PPP3CC: variants seen among roughly 807,000 people sequenced by gnomAD.
PPP3CC encodes serine/threonine-protein phosphatase 2B catalytic subunit gamma isoform.
In PPP3CC, 35 loss-of-function variants were observed where a neutral mutation model predicts 60.3. The ratio of observed to expected loss-of-function variants is 0.58; its 90% CI spans 0.44 to 0.77. The LOEUF is 0.77. Among genes scored for constraint, PPP3CC ranks in the 30% least tolerant of loss-of-function variants. The pLI, the probability that PPP3CC is intolerant of heterozygous loss-of-function variation, is 0.00. For synonymous variants in PPP3CC, 206 were observed against 224.3 expected, an observed-to-expected ratio of 0.92 and a Z score of 0.73; for missense variants, 570 against 628.9, an observed-to-expected ratio of 0.91 and a Z score of 1.00.
At chr8:22,495,001 G>C (rs1162925786) in intron 3 of PPP3CC, among the ~76,000 whole-genome samples, 1 of 152,082 alleles carries the variant, frequency 6.6e-6, no homozygotes, top group Non-Finnish European at 1.5e-5. Flanking sequence ...GAGTGCAGTG[G>C]CACGATCATG....
intron 1 of PPP3CC, among the ~76,000 whole-genome samples, chr8:22,441,857 C>G (rs1423356988): frequency 2.0e-5 from 3 of 152,168 alleles, no homozygotes; most frequent in Non-Finnish European, 4.4e-5. Flanking sequence ...CGTCCGCCCC[C>G]CACCCTTTTT....
At position 22,491,901 on chromosome 8, in the gene PPP3CC, T is replaced by C. The variant is rs779616812; in HGVS notation, c.373-6100T>C. The stretch of plus-strand genomic sequence containing the variant: ...AACGTATATTCTCTACTTGTTGAGC[T>C]ATTCTTTATAACTTTGACTATTTTT... On this transcript the variant is annotated intron_variant, in intron 3 of 13. Coordinates refer to ENST00000240139, the MANE Select transcript of PPP3CC (RefSeq NM_005605.5). 3.9e-4 allele frequency among the ~76,000 whole-genome samples: 60 copies of C among 152,356 alleles called. No homozygotes were observed. The Middle Eastern group carries it at 0.01, about 26-fold the overall frequency.
At chr8:22,495,715 G>C (rs1331363228) in intron 3 of PPP3CC, among the ~76,000 whole-genome samples, 9 of 152,066 alleles carry the variant, frequency 5.9e-5, no homozygotes, top group Non-Finnish European at 1.3e-4. Flanking sequence ...CCTGCCACCA[G>C]GCCTAGCAAA....
At chr8:22,480,124 G>GT (rs2132476222) in intron 3 of PPP3CC, among the ~76,000 whole-genome samples, 1 of 152,250 alleles carries the variant, frequency 6.6e-6, no homozygotes, top group African/African-American at 2.4e-5. Flanking sequence ...AGACAAAACA[G>GT]TAACTGTGGA....
chr8:22,503,211 T>C (rs1471008867), intron 4 of PPP3CC, among the ~76,000 whole-genome samples: 2 of 152,192 alleles, frequency 1.3e-5, no homozygotes, highest in East Asian at 1.9e-4. Flanking sequence ...CTGGAGTCTT[T>C]AGGAAGCTTC....
At chr8:22,442,301 A>G (rs891452337) in intron 1 of PPP3CC, among the ~76,000 whole-genome samples, 2 of 152,222 alleles carry the variant, frequency 1.3e-5, no homozygotes, top group Non-Finnish European at 2.9e-5. Flanking sequence ...TTTTGTAAGA[A>G]GGGAATAGAC....
In PPP3CC at chr8:22,522,580, TA is replaced by T; in HGVS notation, c.848+16del. 1 of 1,603,846 alleles carries T rather than the reference TA, an allele frequency of 6.2e-7. No homozygotes were observed. The highest frequency in any genetic ancestry group is 8.5e-7 in the Non-Finnish European group (1 of 1,172,366). On this transcript the variant is annotated intron_variant, in intron 7 of 13. Transcript: ENST00000240139. ...GCCCAAGATGCTGGGTAAGTTACAT[TA>T]AAATTGTACCAAATATCGCTGCAGA... is the stretch of plus-strand genomic sequence containing the variant.
At position 22,533,441 on chromosome 8, in the gene PPP3CC, A is replaced by G. The variant is rs1839770275; in HGVS notation, c.1321+423A>G. 2.0e-5 allele frequency among the ~76,000 whole-genome samples: 3 copies of G among 152,370 alleles called. No individual in the cohort carries two copies. The South Asian group carries it at 6.2e-4, about 32-fold the overall frequency. On this transcript the variant is annotated intron_variant, in intron 12 of 13. Transcript: ENST00000240139. Reference sequence around the variant, plus strand: ...CGTCTCACCAAGCCCTTGTATCCAGAATATATAAAGAACTATAAATCAATA... The same window carrying G: ...CGTCTCACCAAGCCCTTGTATCCAGGATATATAAAGAACTATAAATCAATA...
intron 1 of PPP3CC, among the ~76,000 whole-genome samples, chr8:22,463,350 C>A (rs1020587180): frequency 1.3e-5 from 2 of 152,198 alleles, no homozygotes; most frequent in Non-Finnish European, 2.9e-5. Context: ...TTAATTTATT[C>A]TCTGTAGTGT....
At chr8:22,454,425 C>A (rs189094813) in intron 1 of PPP3CC, among the ~76,000 whole-genome samples, 50 of 152,250 alleles carry the variant, frequency 3.3e-4, no homozygotes, top group African/African-American at 1.2e-3. Context: ...CTGTCTGGGG[C>A]TGTTTTACAG....
chr8:22,493,028 CGAT>C, intron 3 of PPP3CC: 1 of 1,333,494 alleles, frequency 7.5e-7, no homozygotes, highest in Non-Finnish European at 1.1e-6. Flanking sequence ...GAGAGGATGA[CGAT>C]GAAGTTCCAG....
Position 22,492,762 on chromosome 8 carries a change from A to G in PPP3CC, c.373-5239A>G. The G allele has an allele frequency of 2.0e-6, 2 of 1,009,942 alleles. 1 individual carries two copies. The highest frequency in any genetic ancestry group is 3.4e-5 in the Admixed American group (2 of 58,038). 62.6% of individuals were successfully genotyped at this position (1,009,942 alleles called of 1,614,324 possible). A position where few individuals can be genotyped will look rare whatever the true frequency, so the allele number is the denominator to read the frequency against. On this transcript the variant is annotated intron_variant, in intron 3 of 13. Transcript: ENST00000240139. Reference sequence around the variant, plus strand: ...GATAAAAAACTTCAGTTCTCCTTAAAGAAGTTAGAGGTAAACAATGTCTCT... The same window carrying G: ...GATAAAAAACTTCAGTTCTCCTTAAGGAAGTTAGAGGTAAACAATGTCTCT...
At chr8:22,483,987 GTGTGCTACCACACT>G (rs1838148703) in intron 3 of PPP3CC, among the ~76,000 whole-genome samples, 1 of 151,846 alleles carries the variant, frequency 6.6e-6, no homozygotes, top group African/African-American at 2.4e-5. Flanking sequence ...GACTACAGGT[GTGTGCTACCACACT>G]TGGCTAATTT....
chr8:22,494,168 G>C (rs1399177903), intron 3 of PPP3CC, among the ~76,000 whole-genome samples: 1 of 152,116 alleles, frequency 6.6e-6, no homozygotes, highest in Admixed American at 6.5e-5. Context: ...TGCTGATAAA[G>C]ACATACCCAA....
At chr8:22,505,024 ATTTTTTT>A (rs34116717) in intron 4 of PPP3CC, among the ~76,000 whole-genome samples, 3 of 115,960 alleles carry the variant, frequency 2.6e-5, no homozygotes, top group Non-Finnish European at 5.1e-5. Flanking sequence ...CCACGAACCT[ATTTTTTT>A]TTTTTTTTTT....
At chr8:22,533,640 C>G (rs1455458508) in intron 12 of PPP3CC, among the ~76,000 whole-genome samples, 2 of 150,400 alleles carry the variant, frequency 1.3e-5, no homozygotes, top group Non-Finnish European at 3.0e-5. Context: ...GCCTGGCCAA[C>G]ATGGTGAAAC....
At chr8:22,470,093 T>C (rs895374453) in intron 1 of PPP3CC, among the ~76,000 whole-genome samples, 35 of 151,040 alleles carry the variant, frequency 2.3e-4, no homozygotes, top group African/African-American at 8.3e-4. Context: ...CACATACATA[T>C]ATATATGTTC....
At chr8:22,503,299 A>G (rs963328196) in intron 4 of PPP3CC, among the ~76,000 whole-genome samples, 1 of 152,172 alleles carries the variant, frequency 6.6e-6, no homozygotes, top group African/African-American at 2.4e-5. Flanking sequence ...TTTCTAAACC[A>G]AATTTTAGGG....
chr8:22,530,508 A>AAAATAAATAAATAAAT (rs754526584), intron 10 of PPP3CC, among the ~76,000 whole-genome samples: 8 of 122,350 alleles, frequency 6.5e-5, no homozygotes, highest in African/African-American at 2.5e-4. Flanking sequence ...CACAAACATA[A>AAAATAAATAAATAAAT]AAATAAATAA....
Sources: gnomAD v4.1 joint callset for allele counts (sites outside exome capture counted in the v4.1 genomes callset) on GRCh38, gnomAD v4.1.1 for gene constraint, MANE v1.5 for transcripts, NCBI Gene and HGNC (gene_info 2026-07-23, HGNC 2026-07-21) for gene names.